The following COL18A1 variants were observed in gnomAD, a reference collection of about 807,000 sequenced individuals.
COL18A1 encodes collagen alpha-1(XVIII) chain.
In COL18A1, 133 loss-of-function variants were observed where a neutral mutation model predicts 168.0. That is an observed-to-expected ratio of 0.79 (90% confidence interval 0.69 to 0.91). The LOEUF is 0.91. COL18A1 is among the 40% of genes least tolerant of loss of function. COL18A1 has a pLI of 0.00. For synonymous variants in COL18A1, 949 were observed against 809.0 expected, an observed-to-expected ratio of 1.17 and a Z score of -2.94; for missense variants, 2,126 against 1,925.4, an observed-to-expected ratio of 1.10 and a Z score of -1.95.
chr21:45,455,712 C>T (rs1227539001), intron 2 of COL18A1: 1 of 1,614,010 alleles, frequency 6.2e-7, no homozygotes, highest in Non-Finnish European at 8.5e-7. Context: ...GCAGATACCA[C>T]CACACACGTG....
intron 36 of COL18A1, 27 bp from the exon 37 acceptor site, chr21:45,505,811 C>G: frequency 1.9e-6 from 3 of 1,588,302 alleles, no homozygotes; most frequent in Non-Finnish European, 1.7e-6. Context: ...CCGCCAAGCC[C>G]CACACCTCTG....
chr21:45,405,541 C>A, intron 2 of COL18A1, 68 bp downstream of exon 2: 3 of 1,021,434 alleles, frequency 2.9e-6, no homozygotes, highest in Middle Eastern at 3.8e-4. Flanking sequence ...GGCTGGGGTC[C>A]CCGCCCGGCT....
intron 2 of COL18A1, among the ~76,000 whole-genome samples, chr21:45,448,671 C>T (rs2034555551): frequency 6.6e-6 from 1 of 152,270 alleles, no homozygotes; most frequent in Non-Finnish European, 1.5e-5. Context: ...GCCACAGTGT[C>T]ATTGTCACGC....
Position 45,415,193 on chromosome 21 carries a change from C to T in COL18A1, c.106+9720C>T, listed in dbSNP as rs138803551. Reference sequence around the variant, plus strand: ...TGACCATGGGAATAAGGGCCTCTCACCTGCGAAGGGCCACTCTGTGGGGCA... The same window carrying T: ...TGACCATGGGAATAAGGGCCTCTCATCTGCGAAGGGCCACTCTGTGGGGCA... On this transcript the variant is annotated intron_variant, in intron 2 of 41. Transcript: ENST00000651438. Among the ~76,000 whole-genome samples, 7 of 152,282 alleles carry T rather than the reference C, an allele frequency of 4.6e-5. No homozygotes were observed. The East Asian group carries it at 5.8e-4, about 13-fold the overall frequency.
At position 45,405,387 on chromosome 21, in the gene COL18A1, G is replaced by A. The variant is rs2033062410; in HGVS notation, c.20G>A (p.Trp7Ter). MAPRCP[W>*]PWPRRRRLLD... ...GTGCCTGTCCCGCGCAGGTGCCCCT[G>A]GCCATGGCCGCGGCGGCGGCGCCTC... Residue 7 changes from tryptophan (W) to a stop codon, truncating the protein, a stop_gained, in exon 2 of 42, where the codon TGG becomes TAG. Coordinates refer to ENST00000651438, the MANE Select transcript of COL18A1 (RefSeq NM_001379500.1). LOFTEE classifies it high-confidence loss of function. 2.3e-6 allele frequency: 3 copies of A among 1,300,392 alleles called. No individual in the cohort carries two copies. Among genetic ancestry groups the A allele is most frequent in the Non-Finnish European group, 2.9e-6 (3 of 1,023,034 alleles). The allele number at this position is 1,300,392 out of a possible 1,614,324, so 80.6% of individuals were successfully genotyped here. A position where few individuals can be genotyped will look rare whatever the true frequency, so the allele number is the denominator to read the frequency against.
rs2035833002 is a variant in COL18A1, at chr21:45,479,895, G to A, written c.1249-7G>A. The stretch of plus-strand genomic sequence containing the variant: ...CCCTGACCGGGCCCCCGGATGTTGT[G>A]TTCCAGGGCGACACCGGGCCACAAG... On this transcript the variant is annotated splice_region_variant and splice_polypyrimidine_tract_variant and intron_variant, in intron 9 of 41. Transcript: ENST00000651438. The A allele has an allele frequency of 1.9e-6, 3 of 1,613,426 alleles. No homozygotes were observed. The highest frequency in any genetic ancestry group is 2.2e-5 in the South Asian group (2 of 91,052).
chr21:45,428,787 T>C (rs2145777914), intron 2 of COL18A1, among the ~76,000 whole-genome samples: 1 of 152,344 alleles, frequency 6.6e-6, no homozygotes, highest in Non-Finnish European at 1.5e-5. Flanking sequence ...AGACCCACAA[T>C]TCATCCCTTT....
At chr21:45,462,311 T>C (rs80290585) in intron 2 of COL18A1, among the ~76,000 whole-genome samples, 4,274 of 152,272 alleles carry the variant, frequency 0.028, 207 homozygotes, top group African/African-American at 0.097. Flanking sequence ...CCCAACAAAT[T>C]TGAGAAGCTT....
intron 2 of COL18A1, among the ~76,000 whole-genome samples, chr21:45,410,827 G>A (rs1446411936): frequency 2.6e-5 from 4 of 152,214 alleles, no homozygotes; most frequent in Admixed American, 2.0e-4. Flanking sequence ...CTCCTGGGCC[G>A]GCAGCCCATC....
Position 45,423,243 on chromosome 21 carries a change from T to C in COL18A1, c.106+17770T>C, listed in dbSNP as rs2033681221. Among the ~76,000 whole-genome samples, 1 of 152,162 alleles carries C rather than the reference T, an allele frequency of 6.6e-6. No individual in the cohort carries two copies. Among genetic ancestry groups the C allele is most frequent in the Non-Finnish European group, 1.5e-5 (1 of 68,022 alleles). On this transcript the variant is annotated intron_variant, in intron 2 of 41. Coordinates refer to ENST00000651438, the MANE Select transcript of COL18A1 (RefSeq NM_001379500.1). The surrounding 1 kb of genome is among the most constrained non-coding windows in gnomAD (Gnocchi z 4.0). ...TTATGTTCCATGGTGACATGGTTCT[T>C]GAGGGTTAGCTGGTCCAGTTCCCGC...
At chr21:45,480,426 C>G (rs779638216) in intron 11 of COL18A1, 41 bp from the exon 12 acceptor site, 37 of 1,613,886 alleles carry the variant, frequency 2.3e-5, no homozygotes, top group Non-Finnish European at 3.1e-5. Context: ...AGGCGGGGGG[C>G]CGAGCTCAGG....
intron 2 of COL18A1, among the ~76,000 whole-genome samples, chr21:45,450,845 G>A (rs1344639221): frequency 2.0e-5 from 3 of 152,238 alleles, no homozygotes; most frequent in African/African-American, 4.8e-5. Context: ...CTGCTTCAAC[G>A]TTTGGAGCCC....
chr21:45,504,699 C>T (rs914267372), intron 34 of COL18A1, 143 bp downstream of exon 34: 19 of 724,780 alleles, frequency 2.6e-5, no homozygotes, highest in South Asian at 1.2e-4. Context: ...TCCCTGTCCC[C>T]GTGTGGGGAC....
At chr21:45,438,362 A>C in intron 2 of COL18A1, among the ~76,000 whole-genome samples, 1 of 141,416 alleles carries the variant, frequency 7.1e-6, no homozygotes, top group Non-Finnish European at 1.5e-5. Flanking sequence ...ACACACAGGC[A>C]CTCTCCTGCA....
At position 45,466,806 on chromosome 21, in the gene COL18A1, T is replaced by C. The variant is rs550712050; in HGVS notation, c.107-1436T>C. On this transcript the variant is annotated intron_variant, in intron 2 of 41. Transcript: ENST00000651438. ...TTGCTTTCCCAATGACGGAATGTTC[T>C]AGGAAGGGTGGTGGGAGGTTTCTCC... 5.3e-5 allele frequency among the ~76,000 whole-genome samples: 8 copies of C among 152,282 alleles called. No individual in the cohort carries two copies. In the East Asian group the frequency reaches 1.5e-3, roughly 29 times the overall value.
At chr21:45,429,167 T>C (rs1475104520) in intron 2 of COL18A1, among the ~76,000 whole-genome samples, 1 of 152,142 alleles carries the variant, frequency 6.6e-6, no homozygotes, top group East Asian at 1.9e-4. Flanking sequence ...TCCCAAATTG[T>C]TGGGATTACA....
chr21:45,483,037 G>A (rs2035954853), intron 15 of COL18A1, among the ~76,000 whole-genome samples: 1 of 152,228 alleles, frequency 6.6e-6, no homozygotes, highest in Admixed American at 6.5e-5. Context: ...TGTCACTTTT[G>A]TGATGTGGCT....
rs538813541 is a variant in COL18A1 at position 45,495,260 on chromosome 21, G to A, written c.2434-98G>A. Reference sequence around the variant, plus strand: ...GAACGTGTGAGGCTGAGCGTGGGCCGGCCGGGCCTGGCGTGGGGCTAACGG... The same window carrying A: ...GAACGTGTGAGGCTGAGCGTGGGCCAGCCGGGCCTGGCGTGGGGCTAACGG... On this transcript the variant is annotated intron_variant, in intron 28 of 41. Coordinates refer to ENST00000651438, the MANE Select transcript of COL18A1 (RefSeq NM_001379500.1). The A allele has an allele frequency of 1.8e-4, 187 of 1,014,168 alleles. No individual in the cohort carries two copies. The African/African-American group carries it at 2.1e-3, about 11-fold the overall frequency. The allele number at this position is 1,014,168 out of a possible 1,614,324, so 62.8% of individuals were successfully genotyped here. A position where few individuals can be genotyped will look rare whatever the true frequency, so the allele number is the denominator to read the frequency against.
chr21:45,492,481 T>C (rs2036385780), intron 22 of COL18A1, 54 bp from the exon 23 acceptor site: 4 of 1,608,974 alleles, frequency 2.5e-6, no homozygotes, highest in Non-Finnish European at 2.6e-6. Context: ...TCGAGTCCAG[T>C]TGAATTTTAA....
Sources: gnomAD v4.1 joint callset for allele counts (sites outside exome capture counted in the v4.1 genomes callset) on GRCh38, gnomAD v4.1.1 for gene constraint, Gnocchi (gnomAD v3.1) non-coding constraint, MANE v1.5 for transcripts, NCBI Gene and HGNC (gene_info 2026-07-23, HGNC 2026-07-21) for gene names.